Variants in ADAM10 observed in about 807,000 individuals in gnomAD.
ADAM10 encodes ADAM metallopeptidase domain 10.
In ADAM10, 17 loss-of-function variants were observed where a neutral mutation model predicts 90.1. That is an observed-to-expected ratio of 0.19 (90% CI 0.13 to 0.28). The LOEUF (loss-of-function observed/expected upper bound fraction) is 0.28. Ranked by LOEUF, ADAM10 falls within the 10% of genes least tolerant of loss-of-function variation. The pLI is 1.00. For missense variants in ADAM10, 610 were observed against 914.3 expected (o/e 0.67, Z 4.29); for synonymous variants, 310 against 298.6 (o/e 1.04, Z -0.40).
rs1254890192 is a variant in ADAM10, at chr15:58,595,768, C to T, written c.*1779G>A. 6.6e-6 allele frequency: 1 copy of T among 152,134 alleles called. No individual in the cohort carries two copies. Among genetic ancestry groups the T allele is most frequent in the Non-Finnish European group, 1.5e-5 (1 of 67,984 alleles). 9.4% of individuals were successfully genotyped at this position (152,134 alleles called of 1,614,324 possible). Reference sequence around the variant, plus strand: ...CACACTCAAGAAGTTACTAAGAACTCTTGCAGAATAAAAGTCACCATTTTA... The same window carrying T: ...CACACTCAAGAAGTTACTAAGAACTTTTGCAGAATAAAAGTCACCATTTTA... On this transcript the variant is annotated 3_prime_UTR_variant, in exon 16 of 16. Coordinates refer to ENST00000260408, the MANE Select transcript of ADAM10 (RefSeq NM_001110.4).
chr15:58,678,939 T>G (rs1897355929), intron 4 of ADAM10, among the ~76,000 whole-genome samples, 185 bp downstream of exon 4: 1 of 152,222 alleles, frequency 6.6e-6, no homozygotes, highest in Admixed American at 6.5e-5. Context: ...GGCAATGGAC[T>G]GACAAGGAAA....
At position 58,603,455 on chromosome 15, in the gene ADAM10, T is replaced by C. The variant is rs141411744; in HGVS notation, c.2026-3731A>G. ...AACACCTCTAATGTGAGCCAATCCA[T>C]GAGTACAAAGGCTTAAGAGTTTTCC... On this transcript the variant is annotated intron_variant, in intron 14 of 15. Transcript: ENST00000260408. Among the ~76,000 whole-genome samples the C allele has an allele frequency of 5.2e-3, 788 of 152,314 alleles. 11 individuals carry two copies. Among genetic ancestry groups the C allele is most frequent in the African/African-American group, 0.018 (755 of 41,572 alleles).
chr15:58,726,519 C>T (rs773250574), intron 1 of ADAM10, among the ~76,000 whole-genome samples: 8 of 133,672 alleles, frequency 6.0e-5, no homozygotes, highest in East Asian at 2.4e-4. Context: ...GAGCCGAGAT[C>T]GCGCCACTAC....
chr15:58,656,967 G>A (rs994046976), intron 5 of ADAM10, among the ~76,000 whole-genome samples: 1 of 152,132 alleles, frequency 6.6e-6, no homozygotes, highest in Non-Finnish European at 1.5e-5. Flanking sequence ...TGAATATACT[G>A]CTATAGGATA....
chr15:58,616,673 T>C (rs1195111267), intron 11 of ADAM10, among the ~76,000 whole-genome samples: 2 of 152,040 alleles, frequency 1.3e-5, no homozygotes, highest in Non-Finnish European at 2.9e-5. Flanking sequence ...AATGTCTACA[T>C]AGAAAAAGTA....
intron 2 of ADAM10, chr15:58,698,176 C>A: frequency 9.0e-6 from 3 of 331,518 alleles, no homozygotes; most frequent in Non-Finnish European, 1.2e-5. Flanking sequence ...TTATGAGATC[C>A]CAGAAAAAGA....
At chr15:58,723,818 G>GA (rs772880220) in intron 1 of ADAM10, among the ~76,000 whole-genome samples, 2 of 151,742 alleles carry the variant, frequency 1.3e-5, no homozygotes, top group Non-Finnish European at 1.5e-5. Context: ...ACACACTGGA[G>GA]AAAAAAACCA....
intron 1 of ADAM10, chr15:58,749,087 C>A: frequency 2.5e-6 from 1 of 398,530 alleles, no homozygotes; most frequent in Admixed American, 4.4e-5. Context: ...ACGGCGAGAC[C>A]GCCAGCCTCG....
At chr15:58,644,588 A>G (rs1212702427) in intron 6 of ADAM10, among the ~76,000 whole-genome samples, 1 of 151,940 alleles carries the variant, frequency 6.6e-6, no homozygotes, top group Non-Finnish European at 1.5e-5. Flanking sequence ...CAATCCTACA[A>G]CGTCACACGT....
At chr15:58,658,085 G>A (rs1566983435) in intron 5 of ADAM10, among the ~76,000 whole-genome samples, 1 of 152,000 alleles carries the variant, frequency 6.6e-6, no homozygotes, top group African/African-American at 2.4e-5. Context: ...TTTGTGCCTT[G>A]AGAAATTGTT....
At position 58,611,997 on chromosome 15, in the gene ADAM10, G is replaced by A. The variant is rs1419380814; in HGVS notation, c.1512-6C>T. 5 of 1,613,638 alleles carry A rather than the reference G, an allele frequency of 3.1e-6. No individual in the cohort carries two copies. The highest frequency in any genetic ancestry group is 4.2e-6 in the Non-Finnish European group (5 of 1,179,682). On this transcript the variant is annotated splice_region_variant and splice_polypyrimidine_tract_variant and intron_variant, in intron 11 of 15. Transcript: ENST00000260408. ...AACAAGGACCTTGACTTGGACTAGA[G>A]GAAACATTAAGTGATTAAACAAAGT...
intron 13 of ADAM10, 107 bp downstream of exon 13, chr15:58,610,892 C>G: frequency 2.4e-6 from 2 of 849,308 alleles, no homozygotes; most frequent in Non-Finnish European, 4.0e-6. Context: ...ACAGATTTAG[C>G]TGGAAATTAT....
chr15:58,702,105 C>CA (rs1196874797), intron 2 of ADAM10, among the ~76,000 whole-genome samples: 4 of 150,214 alleles, frequency 2.7e-5, no homozygotes, highest in East Asian at 1.9e-4. Context: ...GATTCTGTCT[C>CA]AAAAAAAAGA....
chr15:58,737,239 T>C (rs1334555909), intron 1 of ADAM10, among the ~76,000 whole-genome samples: 2 of 152,202 alleles, frequency 1.3e-5, no homozygotes, highest in Non-Finnish European at 2.9e-5. Context: ...AATTGGTATC[T>C]GTTCTCTAAA....
At chr15:58,733,659 C>A (rs1458857216) in intron 1 of ADAM10, among the ~76,000 whole-genome samples, 2 of 152,088 alleles carry the variant, frequency 1.3e-5, no homozygotes, top group African/African-American at 4.8e-5. Context: ...AACTGCATAA[C>A]CTCTATAGGG....
intron 4 of ADAM10, among the ~76,000 whole-genome samples, chr15:58,678,740 C>T (rs1265880433): frequency 6.6e-6 from 1 of 152,192 alleles, no homozygotes; most frequent in Non-Finnish European, 1.5e-5. Context: ...AAACACTACA[C>T]AAATATCCAC....
chr15:58,721,982 C>T (rs1342906595), intron 1 of ADAM10, among the ~76,000 whole-genome samples: 1 of 151,830 alleles, frequency 6.6e-6, no homozygotes, highest in African/African-American at 2.4e-5. Flanking sequence ...GAGCCAAAAC[C>T]GCACCATTGC....
chr15:58,694,004 A>C (rs1206031802), intron 2 of ADAM10, among the ~76,000 whole-genome samples: 1 of 152,252 alleles, frequency 6.6e-6, no homozygotes, highest in East Asian at 1.9e-4. Flanking sequence ...AATCAGAACT[A>C]GAATAATATA....
intron 5 of ADAM10, among the ~76,000 whole-genome samples, chr15:58,646,722 A>G (rs1167464839): frequency 6.6e-6 from 1 of 152,254 alleles, no homozygotes; most frequent in African/African-American, 2.4e-5. Flanking sequence ...GCAAATTTGA[A>G]TATGTCATCC....
Sources: allele counts gnomAD v4.1 joint callset (sites outside exome capture counted in the v4.1 genomes callset), GRCh38; gene constraint gnomAD v4.1.1; transcripts MANE v1.5; gene names NCBI Gene and HGNC (gene_info 2026-07-23, HGNC 2026-07-21).